The following HELZ variants were observed in gnomAD, a reference collection of about 807,000 sequenced individuals.
The protein encoded by HELZ is helicase with zinc finger.
In HELZ, 23 loss-of-function variants were observed where a neutral mutation model predicts 218.2. The observed-to-expected ratio is 0.11, with a 90% confidence interval of 0.08 to 0.15. HELZ has a LOEUF of 0.15. HELZ is among the 10% of genes least tolerant of loss of function. The pLI, the probability that HELZ is intolerant of heterozygous loss-of-function variation, is 1.00. For missense variants in HELZ, 1,813 were observed against 2,353.7 expected, an observed-to-expected ratio of 0.77 and a Z score of 4.75; for synonymous variants, 814 against 829.4, an observed-to-expected ratio of 0.98 and a Z score of 0.32.
intron 7 of HELZ, among the ~76,000 whole-genome samples, chr17:67,195,846 TTTTTTC>T (rs2040010654): frequency 6.9e-6 from 1 of 144,278 alleles, no homozygotes; most frequent in Admixed American, 6.8e-5. Context: ...TCCTTTTTTT[TTTTTTC>T]TTTTTTTTTT....
chr17:67,125,454 G>A (rs892949377), intron 24 of HELZ, among the ~76,000 whole-genome samples: 5 of 150,684 alleles, frequency 3.3e-5, no homozygotes, highest in African/African-American at 1.2e-4. Context: ...AATTAGAAGA[G>A]ACAAGATCAG....
chr17:67,125,248 A>T (rs1385358422), intron 24 of HELZ, among the ~76,000 whole-genome samples: 2 of 135,120 alleles, frequency 1.5e-5, no homozygotes, highest in African/African-American at 5.7e-5. Flanking sequence ...TGGTCCATTA[A>T]CCTCAAGAGA....
chr17:67,218,066 C>T (rs2040651318), intron 4 of HELZ, among the ~76,000 whole-genome samples: 1 of 151,892 alleles, frequency 6.6e-6, no homozygotes, highest in Non-Finnish European at 1.5e-5. Context: ...TCCTGAGTAG[C>T]TGGGATTATA....
chr17:67,123,815 CTGTGTGTGTGTGTGTGTG>C (rs58616216), intron 25 of HELZ, 130 bp downstream of exon 25: 50 of 534,966 alleles, frequency 9.3e-5, no homozygotes, highest in Middle Eastern at 3.7e-4. Flanking sequence ...TCCAAAGTGA[CTGTGTGTGTGTGTGTGTG>C]TGTGTGTGTG....
chr17:67,076,633 G>A lies in HELZ; in HGVS notation c.*1619C>T, dbSNP rs2036025774. The A allele has an allele frequency of 6.6e-6, 1 of 152,196 alleles. No individual in the cohort carries two copies. Among genetic ancestry groups the A allele is most frequent in the Non-Finnish European group, 1.5e-5 (1 of 68,038 alleles). The allele number at this position is 152,196 out of a possible 1,614,324, so 9.4% of individuals were successfully genotyped here. ...CAAAGGCACTCTTTTATCCCAAACT[G>A]TCTGAGGATTAAAAGGGGTTGTAGC... is the stretch of plus-strand genomic sequence containing the variant. On this transcript the variant is annotated 3_prime_UTR_variant, in exon 33 of 33. Coordinates refer to ENST00000358691, the MANE Select transcript of HELZ (RefSeq NM_014877.4).
chr17:67,214,133 G>C (rs548827141), intron 5 of HELZ, among the ~76,000 whole-genome samples: 1 of 151,502 alleles, frequency 6.6e-6, no homozygotes, highest in African/African-American at 2.4e-5. Flanking sequence ...AGATAGCAGG[G>C]ATTTTTTTAA....
rs202134155 is a variant in HELZ at position 67,189,668 on chromosome 17, A to G, written c.785T>C (p.Val262Ala). 6.2e-7 allele frequency: 1 copy of G among 1,612,896 alleles called. No individual in the cohort carries two copies. The highest frequency in any genetic ancestry group is 8.5e-7 in the Non-Finnish European group (1 of 1,178,978). The change falls in exon 11 of 33, where the codon GTA becomes GCA. Residue 262 changes from valine (V) to alanine (A), a missense_variant. Around this residue, in one of 4 missense-constraint regions of HELZ, gnomAD observed 714 missense variants for 1,029.2 expected, o/e 0.69. Transcript: ENST00000358691. ...VLSECIEGVK[V>A]EHNPDLSVTV... Reference sequence around the variant, plus strand: ...AACTGACAGGTCAGGATTGTGCTCTACCTTTACTCCTTCTATACATTCACT... The same window carrying G: ...AACTGACAGGTCAGGATTGTGCTCTGCCTTTACTCCTTCTATACATTCACT...
intron 24 of HELZ, among the ~76,000 whole-genome samples, chr17:67,126,895 G>A (rs557254125): frequency 1.3e-5 from 2 of 150,660 alleles, no homozygotes; most frequent in African/African-American, 4.8e-5. Context: ...GTAGCACTAA[G>A]CTAGAGCTAG....
Position 67,188,726 on chromosome 17 carries a change from T to G in HELZ, c.865-110A>C. 1 of 802,944 alleles carries G rather than the reference T, an allele frequency of 1.2e-6. No homozygotes were observed. The highest frequency in any genetic ancestry group is 2.0e-6 in the Non-Finnish European group (1 of 509,554). The allele number at this position is 802,944 out of a possible 1,614,324, so 49.7% of individuals were successfully genotyped here. On this transcript the variant is annotated intron_variant, in intron 11 of 32. Transcript: ENST00000358691. This position sits in a 1 kb window ranked among gnomAD's most constrained non-coding sequence, Gnocchi z 4.1. Reference sequence around the variant, plus strand: ...TAAGGGACTTTTACTTCCCCAAGCTTCTAAGATACTATAGCCATTTAAGAA... The same window carrying G: ...TAAGGGACTTTTACTTCCCCAAGCTGCTAAGATACTATAGCCATTTAAGAA...
At chr17:67,226,594 T>C (rs1013917103) in intron 3 of HELZ, among the ~76,000 whole-genome samples, 3 of 152,174 alleles carry the variant, frequency 2.0e-5, no homozygotes, top group Non-Finnish European at 2.9e-5. Flanking sequence ...CAGCTTCTTA[T>C]AAAATCAAAT....
chr17:67,136,340 T>C (rs2038149368), intron 22 of HELZ, 142 bp from the exon 23 acceptor site: 2 of 631,412 alleles, frequency 3.2e-6, no homozygotes, highest in Admixed American at 5.9e-5. Context: ...CCTTATGCAC[T>C]GCTGGTGAGA....
chr17:67,241,672 A>G (rs1390587767), intron 2 of HELZ, among the ~76,000 whole-genome samples: 1 of 152,218 alleles, frequency 6.6e-6, no homozygotes, highest in Non-Finnish European at 1.5e-5. Flanking sequence ...TTAGAAAATA[A>G]AACTTCTTGT....
At chr17:67,191,774 T>G (rs2039903335) in intron 9 of HELZ, among the ~76,000 whole-genome samples, 1 of 151,834 alleles carries the variant, frequency 6.6e-6, no homozygotes, top group South Asian at 2.1e-4. Context: ...TTTTTTTTTT[T>G]TTTTTTGAGA....
rs751310322 is a variant in HELZ, at chr17:67,188,332, T to C, written c.1149A>G (p.Ala383=). ...PVLMQRVMID[A]ASTEDLEYLM... ...TCTAAATATTACCTTCTGTAGAAGC[T>C]GCATCAATCATTACTCTTTGCATGA... Residue 383 remains alanine (A), a synonymous_variant, in exon 12 of 33, where the codon GCA becomes GCG. Coordinates refer to ENST00000358691, the MANE Select transcript of HELZ (RefSeq NM_014877.4). This position sits in a 1 kb window ranked among gnomAD's most constrained non-coding sequence, Gnocchi z 4.1. 3 of 1,609,100 alleles carry C rather than the reference T, an allele frequency of 1.9e-6. No individual in the cohort carries two copies. The highest frequency in any genetic ancestry group is 1.7e-5 in the Admixed American group (1 of 59,832).
At chr17:67,215,753 G>T (rs1298775769) in intron 5 of HELZ, 146 bp downstream of exon 5, 1 of 676,002 alleles carries the variant, frequency 1.5e-6, no homozygotes, top group African/African-American at 1.8e-5. Flanking sequence ...AGCTCAGTGG[G>T]AATGTCATCA....
intron 2 of HELZ, among the ~76,000 whole-genome samples, chr17:67,241,537 A>C (rs1266939892): frequency 6.6e-6 from 1 of 152,236 alleles, no homozygotes; most frequent in African/African-American, 2.4e-5. Flanking sequence ...TTTTAATTAC[A>C]CGAGGCCCTT....
chr17:67,203,422 T>C lies in HELZ; in HGVS notation c.269A>G (p.Lys90Arg). ...CRHVLGEGLA[K>R]GEDAFRAVLC... Reference sequence around the variant, plus strand: ...CACTGCCCGAAAGGCATCTTCTCCCTTGGCCAGTCCTTCTCCCAGCACTGC... The same window carrying C: ...CACTGCCCGAAAGGCATCTTCTCCCCTGGCCAGTCCTTCTCCCAGCACTGC... Residue 90 changes from lysine to arginine, a missense_variant, in exon 6 of 33, where the codon AAG becomes AGG. Around this residue, in one of 4 missense-constraint regions of HELZ, gnomAD observed 714 missense variants for 1,029.2 expected, o/e 0.69. Coordinates refer to ENST00000358691, the MANE Select transcript of HELZ (RefSeq NM_014877.4). 1.2e-6 allele frequency: 2 copies of C among 1,614,138 alleles called. No individual in the cohort carries two copies. The highest frequency in any genetic ancestry group is 1.1e-5 in the South Asian group (1 of 91,084).
intron 27 of HELZ, among the ~76,000 whole-genome samples, chr17:67,118,610 G>A (rs989049815): frequency 3.4e-5 from 5 of 149,062 alleles, no homozygotes; most frequent in Admixed American, 2.7e-4. Flanking sequence ...CAGATACTCA[G>A]GAGGCTGAGG....
intron 13 of HELZ, chr17:67,176,202 C>G (rs1287832470): frequency 6.6e-6 from 1 of 152,164 alleles, no homozygotes; most frequent in Non-Finnish European, 1.5e-5. Flanking sequence ...TTCTTTCCAA[C>G]ATTTTTATAC....
Sources: gnomAD v4.1 joint callset for allele counts (sites outside exome capture counted in the v4.1 genomes callset) on GRCh38, gnomAD v4.1.1 for gene constraint, gnomAD v4.1.1 regional missense constraint, Gnocchi (gnomAD v3.1) non-coding constraint, MANE v1.5 for transcripts, NCBI Gene and HGNC (gene_info 2026-07-23, HGNC 2026-07-21) for gene names.